The following CLRN1 variants were observed in gnomAD, a reference collection of about 807,000 sequenced individuals.
CLRN1 encodes the protein clarin-1.
In CLRN1, 15 loss-of-function variants were observed where a neutral mutation model predicts 18.7. The observed-to-expected ratio is 0.80, with a 90% confidence interval of 0.54 to 1.23. The LOEUF (loss-of-function observed/expected upper bound fraction) is 1.23. CLRN1 is among the 50% of genes most tolerant of loss of function. The probability of loss-of-function intolerance (pLI) is 0.00; values close to 1 mark genes in which losing one functional copy is unlikely to be tolerated. For synonymous variants in CLRN1, 104 were observed against 102.9 expected (o/e 1.01, Z -0.07); for missense variants, 311 against 277.5 (o/e 1.12, Z -0.86).
At position 150,972,669 on chromosome 3, in the gene CLRN1, C is replaced by A. The variant is rs1553776112; in HGVS notation, c.40G>T (p.Gly14Ter). The A allele has an allele frequency of 1.2e-6, 2 of 1,614,160 alleles. No individual in the cohort carries two copies. The highest frequency in any genetic ancestry group is 2.2e-5 in the South Asian group (2 of 91,076). Reference sequence around the variant, plus strand: ...AGGGCACATGCAAAACTGAACACTCCGGCCATGCAAAAAATGATTTTCTTC... The same window carrying A: ...AGGGCACATGCAAAACTGAACACTCAGGCCATGCAAAAAATGATTTTCTTC... Reference protein sequence around the residue: ...QQKKIIFCMAGVFSFACALGV... With the variant: ...QQKKIIFCMA Residue 14 changes from glycine (G) to a stop codon, truncating the protein, a stop_gained, in exon 1 of 3, where the codon GGA becomes TGA. Coordinates refer to ENST00000327047, the MANE Select transcript of CLRN1 (RefSeq NM_174878.3). LOFTEE classifies it high-confidence loss of function.
intron 2 of CLRN1, 36 bp downstream of exon 2, chr3:150,941,546 G>T: frequency 6.2e-7 from 1 of 1,603,718 alleles, no homozygotes; most frequent in East Asian, 2.2e-5. Flanking sequence ...ATATTGAAAA[G>T]CACATTTGTC....
At chr3:150,943,894 T>G in intron 1 of CLRN1, 2 of 1,613,860 alleles carry the variant, frequency 1.2e-6, no homozygotes, top group Non-Finnish European at 1.7e-6. Flanking sequence ...CCTGCACTCG[T>G]TCACTCGTGT....
At chr3:150,930,214 C>A (rs1407244995) in intron 2 of CLRN1, among the ~76,000 whole-genome samples, 1 of 152,074 alleles carries the variant, frequency 6.6e-6, no homozygotes, top group Non-Finnish European at 1.5e-5. Context: ...CCAGAAGGAG[C>A]TATAGGAAAA....
intron 1 of CLRN1, among the ~76,000 whole-genome samples, chr3:150,956,577 TC>T (rs1334667023): frequency 6.6e-6 from 1 of 152,178 alleles, no homozygotes; most frequent in African/African-American, 2.4e-5. Context: ...CCCTCATTAC[TC>T]GAGTCTGCTA....
At chr3:150,945,392 AC>A in intron 1 of CLRN1, 1 of 651,388 alleles carries the variant, frequency 1.5e-6, no homozygotes, top group South Asian at 2.2e-5. Flanking sequence ...AGTCATCTGT[AC>A]AAATGCATGC....
At chr3:150,957,786 G>C (rs1160682353) in intron 1 of CLRN1, among the ~76,000 whole-genome samples, 2 of 152,120 alleles carry the variant, frequency 1.3e-5, no homozygotes, top group African/African-American at 2.4e-5. Context: ...AGCCTCCTGA[G>C]GCTGGGATTA....
chr3:150,928,654 G>A (rs1386196833), intron 2 of CLRN1, among the ~76,000 whole-genome samples: 1 of 152,202 alleles, frequency 6.6e-6, no homozygotes, highest in African/African-American at 2.4e-5. Context: ...GCAGCCTCTT[G>A]TGAAAGGCCC....
chr3:150,968,940 C>T (rs958189565), intron 1 of CLRN1, among the ~76,000 whole-genome samples: 1 of 152,024 alleles, frequency 6.6e-6, no homozygotes, highest in Non-Finnish European at 1.5e-5. Context: ...CCCACCCCCG[C>T]GTCTCTGTAC....
intron 2 of CLRN1, among the ~76,000 whole-genome samples, chr3:150,930,092 G>A (rs2107931137): frequency 1.3e-5 from 2 of 152,258 alleles, no homozygotes; most frequent in South Asian, 4.2e-4. Flanking sequence ...GTATAATTTG[G>A]CAGAGGACAT....
chr3:150,958,841 C>T (rs1482188797), intron 1 of CLRN1, among the ~76,000 whole-genome samples: 1 of 152,156 alleles, frequency 6.6e-6, no homozygotes, highest in African/African-American at 2.4e-5. Context: ...TGTAACAAGC[C>T]TTGGCCAATA....
chr3:150,931,641 A>C (rs1713151853), intron 2 of CLRN1, among the ~76,000 whole-genome samples: 1 of 152,150 alleles, frequency 6.6e-6, no homozygotes, highest in South Asian at 2.1e-4. Flanking sequence ...ATGTCCACAC[A>C]CCTATGCTTG....
At chr3:150,929,785 C>T (rs1165679439) in intron 2 of CLRN1, among the ~76,000 whole-genome samples, 1 of 152,192 alleles carries the variant, frequency 6.6e-6, no homozygotes, top group Admixed American at 6.5e-5. Context: ...TTCAAATCCT[C>T]AGCCCACCCC....
intron 2 of CLRN1, among the ~76,000 whole-genome samples, chr3:150,935,622 T>A (rs1424760912): frequency 6.6e-6 from 1 of 150,710 alleles, no homozygotes; most frequent in African/African-American, 2.4e-5. Context: ...CATGTGTCTT[T>A]ATAGCAGCAT....
Position 150,927,771 on chromosome 3 carries a change from C to G in CLRN1, c.*165G>C. On this transcript the variant is annotated 3_prime_UTR_variant, in exon 3 of 3. Transcript: ENST00000327047. ...ACTTTTCAAAGCCTTCCTTCTGCTT[C>G]CCTTACTTTCCAGCCTGTATCCTTA... 1 of 941,412 alleles carries G rather than the reference C, an allele frequency of 1.1e-6. No homozygotes were observed. Among genetic ancestry groups the G allele is most frequent in the Non-Finnish European group, 1.7e-6 (1 of 600,854 alleles). 58.3% of individuals were successfully genotyped at this position (941,412 alleles called of 1,614,324 possible).
chr3:150,942,734 T>A (rs1713928724), intron 1 of CLRN1: 1 of 315,658 alleles, frequency 3.2e-6, no homozygotes. Context: ...TTTCCCCCTT[T>A]TACGCATGTG....
intron 1 of CLRN1, among the ~76,000 whole-genome samples, chr3:150,965,820 A>T (rs1419221607): frequency 2.0e-5 from 3 of 152,254 alleles, no homozygotes; most frequent in African/African-American, 7.2e-5. Flanking sequence ...TGTGCTTACA[A>T]GTAAAATTAT....
rs1469748796 is a variant in CLRN1, at chr3:150,927,822, G to A, written c.*114C>T. The A allele has an allele frequency of 8.0e-6, 10 of 1,256,994 alleles. No individual in the cohort carries two copies. The highest frequency in any genetic ancestry group is 2.3e-5 in the East Asian group (1 of 43,074). The allele number at this position is 1,256,994 out of a possible 1,614,324, so 77.9% of individuals were successfully genotyped here. On this transcript the variant is annotated 3_prime_UTR_variant, in exon 3 of 3. Transcript: ENST00000327047. ...GTACGTAATTTGTAAACATTGTCAC[G>A]AAGGGTCCTGATGCTTTAATATATG...
At chr3:150,926,285 G>A (rs1420309833), downstream of CLRN1, 1 of 159,562 alleles carries the variant, frequency 6.3e-6, no homozygotes, top group Non-Finnish European at 1.4e-5. Context: ...CCTGGTGTTC[G>A]AAGGAGTTTT....
chr3:150,969,292 A>AATATATAT (rs766087778), intron 1 of CLRN1, among the ~76,000 whole-genome samples: 1,485 of 61,316 alleles, frequency 0.024, 31 homozygotes, highest in Middle Eastern at 0.035. Flanking sequence ...TGTGGCTTGT[A>AATATATAT]ATATATATAT....
Sources: allele counts gnomAD v4.1 joint callset (sites outside exome capture counted in the v4.1 genomes callset), GRCh38; gene constraint gnomAD v4.1.1; transcripts MANE v1.5; gene names NCBI Gene and HGNC (gene_info 2026-07-23, HGNC 2026-07-21).